MBOAT7: variants seen among roughly 807,000 people sequenced by gnomAD.
The protein encoded by MBOAT7 is membrane-bound acylglycerophosphatidylinositol O-acyltransferase MBOAT7.
A neutral mutation model predicts 47.4 loss-of-function variants in MBOAT7; 40 were observed. The observed-to-expected ratio is 0.84, with a 90% CI of 0.66 to 1.10. The LOEUF is 1.10. MBOAT7 is among the 50% of genes least tolerant of loss of function. The pLI is 0.00. For synonymous variants in MBOAT7, 361 were observed against 292.0 expected (o/e 1.24, Z -2.41); for missense variants, 680 against 655.6 (o/e 1.04, Z -0.41).
At chr19:54,179,277 G>A (rs2076202588) in intron 6 of MBOAT7, 1 of 382,082 alleles carries the variant, frequency 2.6e-6, no homozygotes, top group Non-Finnish European at 4.8e-6. Flanking sequence ...ATTCAGAGAA[G>A]CCGCCAAGGA....
At chr19:54,184,930 C>T (rs1221735479) in intron 4 of MBOAT7, among the ~76,000 whole-genome samples, 1 of 139,134 alleles carries the variant, frequency 7.2e-6, no homozygotes, top group Admixed American at 7.6e-5. Context: ...AAATTTAGGG[C>T]CAGGTGTGAC....
intron 6 of MBOAT7, 26 bp from the exon 7 acceptor site, chr19:54,178,967 G>A: frequency 1.2e-6 from 2 of 1,609,164 alleles, no homozygotes; most frequent in Non-Finnish European, 1.7e-6. Flanking sequence ...TGAGGGTGGG[G>A]GACAGACATG....
chr19:54,182,085 G>A (rs887300451), intron 5 of MBOAT7, among the ~76,000 whole-genome samples: 1 of 151,624 alleles, frequency 6.6e-6, no homozygotes, highest in Non-Finnish European at 1.5e-5. Context: ...AAGGAGGAAG[G>A]AAAGAAACTA....
chr19:54,177,194 C>T (rs1256063283), intron 7 of MBOAT7, among the ~76,000 whole-genome samples: 1 of 87,152 alleles, frequency 1.1e-5, no homozygotes, highest in South Asian at 3.3e-4. Flanking sequence ...TAATAATATC[C>T]TTCTTACTCC....
chr19:54,187,601 G>T (rs146072097), intron 3 of MBOAT7, among the ~76,000 whole-genome samples: 29 of 152,326 alleles, frequency 1.9e-4, no homozygotes, highest in African/African-American at 6.7e-4. Flanking sequence ...GAGAGAGGTG[G>T]ATATGAATGA....
In MBOAT7 at chr19:54,180,814, C is replaced by T; in HGVS notation, c.813G>A (p.Arg271=). The T allele has an allele frequency of 6.4e-7, 1 of 1,564,758 alleles. No homozygotes were observed. Among genetic ancestry groups the T allele is most frequent in the South Asian group, 1.2e-5 (1 of 85,894 alleles). The change falls in exon 6 of 8, where the codon CGG becomes CGA. Residue 271 remains arginine, a synonymous_variant. Coordinates refer to ENST00000245615, the MANE Select transcript of MBOAT7 (RefSeq NM_024298.5). This position sits in a 1 kb window ranked among gnomAD's most constrained non-coding sequence, Gnocchi z 5.2. ...ATTGGAGGGTGGGGCCGCCTCCGGC[C>T]CGGGCTTTGGCGGCCACGGGGTAGG... is the stretch of plus-strand genomic sequence containing the variant. ...FGAYPVAAKA[R]AGGGPTLQCP... is the part of the protein sequence containing the mutation.
intron 7 of MBOAT7, chr19:54,178,558 T>C (rs2076173055): frequency 7.0e-7 from 1 of 1,425,366 alleles, no homozygotes; most frequent in Non-Finnish European, 9.1e-7. Flanking sequence ...TTTACAGAAG[T>C]AGCAACTGAG....
chr19:54,174,390 AG>A lies in MBOAT7; in HGVS notation c.1072del (p.Leu358SerfsTer7). 1 of 1,602,638 alleles carries A rather than the reference AG, an allele frequency of 6.2e-7. No individual in the cohort carries two copies. On this transcript the variant is annotated frameshift_variant, in exon 8 of 8. Coordinates refer to ENST00000245615, the MANE Select transcript of MBOAT7 (RefSeq NM_024298.5). LOFTEE classifies it high-confidence loss of function. ...TMLLSAYWHG[L>X]HPGYYLSFLT... ...GAAGCTCAGGTAGTAGCCCGGGTGG[AG>A]GCCGTGCCAGTAGGCGCTCAGCAGC...
chr19:54,188,102 C>T (rs1362259113), intron 3 of MBOAT7, 115 bp downstream of exon 3: 2 of 948,778 alleles, frequency 2.1e-6, no homozygotes, highest in African/African-American at 1.7e-5. Flanking sequence ...GAGAAATGAG[C>T]TGATCAACAA....
chr19:54,174,803 G>C (rs756537649), intron 7 of MBOAT7, among the ~76,000 whole-genome samples: 17 of 152,090 alleles, frequency 1.1e-4, no homozygotes, highest in Admixed American at 1.3e-4. Flanking sequence ...CCCTAGCTCC[G>C]GAAGGCGGAG....
At chr19:54,185,693 T>C (rs1242130285) in intron 4 of MBOAT7, among the ~76,000 whole-genome samples, 2 of 146,458 alleles carry the variant, frequency 1.4e-5, no homozygotes, top group Admixed American at 6.6e-5. Context: ...TTTTCTTTCT[T>C]TTCTTTTCTT....
intron 5 of MBOAT7, among the ~76,000 whole-genome samples, chr19:54,182,233 G>A (rs1042884022): frequency 6.6e-6 from 1 of 151,446 alleles, no homozygotes; most frequent in Non-Finnish European, 1.5e-5. Context: ...TGTAGCATGG[G>A]AAGATAAAAG....
At chr19:54,186,481 T>C (rs113571156) in intron 4 of MBOAT7, among the ~76,000 whole-genome samples, 1 of 152,278 alleles carries the variant, frequency 6.6e-6, no homozygotes, top group African/African-American at 2.4e-5. Flanking sequence ...CTGTTCCCTT[T>C]TGCTCGTCCC....
rs553375517 is a variant in MBOAT7 at position 54,175,038 on chromosome 19, C to T, written c.1032-607G>A. Among the ~76,000 whole-genome samples, 818 of 148,678 alleles carry T rather than the reference C, an allele frequency of 5.5e-3. 2 individuals carry two copies. The highest frequency in any genetic ancestry group is 7.0e-3 in the Middle Eastern group (2 of 284). On this transcript the variant is annotated intron_variant, in intron 7 of 7. Coordinates refer to ENST00000245615, the MANE Select transcript of MBOAT7 (RefSeq NM_024298.5). ...TCGCCCAGGCTAGAGTGCAGTGGCGCGATCTTGGCTCACTGCAAGCTCCGC... is the reference window on the plus strand; with the variant it reads ...TCGCCCAGGCTAGAGTGCAGTGGCGTGATCTTGGCTCACTGCAAGCTCCGC...
chr19:54,174,391 G>A lies in MBOAT7; in HGVS notation c.1072C>T (p.Leu358Phe), dbSNP rs545983067. The change falls in exon 8 of 8, where the codon CTC becomes TTC. Residue 358 changes from leucine to phenylalanine, a missense_variant. Coordinates refer to ENST00000245615, the MANE Select transcript of MBOAT7 (RefSeq NM_024298.5). ...AAGCTCAGGTAGTAGCCCGGGTGGA[G>A]GCCGTGCCAGTAGGCGCTCAGCAGC... ...TMLLSAYWHG[L>F]HPGYYLSFLT... is the part of the protein sequence containing the mutation. 43 of 1,602,828 alleles carry A rather than the reference G, an allele frequency of 2.7e-5. No individual in the cohort carries two copies. The African/African-American group carries it at 5.1e-4, about 19-fold the overall frequency.
chr19:54,181,538 C>T (rs544313145), intron 5 of MBOAT7, among the ~76,000 whole-genome samples: 1 of 139,516 alleles, frequency 7.2e-6, no homozygotes, highest in Admixed American at 7.2e-5. Context: ...GAATTCCCAG[C>T]TACTGGGGAG....
intron 4 of MBOAT7, among the ~76,000 whole-genome samples, chr19:54,185,398 C>A (rs2076402120): frequency 1.3e-5 from 2 of 152,100 alleles, no homozygotes; most frequent in South Asian, 4.1e-4. Context: ...ACAACCTGAC[C>A]CATTTCCCCT....
intron 7 of MBOAT7, 84 bp from the exon 8 acceptor site, chr19:54,174,515 G>T (rs1185914013): frequency 2.9e-6 from 4 of 1,363,816 alleles, no homozygotes; most frequent in South Asian, 1.5e-5. Flanking sequence ...CAGGACCCCA[G>T]CCCCTCCTCC....
At chr19:54,175,193 T>G (rs1035141958) in intron 7 of MBOAT7, among the ~76,000 whole-genome samples, 4 of 152,132 alleles carry the variant, frequency 2.6e-5, no homozygotes, top group Non-Finnish European at 5.9e-5. Context: ...TTAGCCAGGA[T>G]GGTCTCGATC....
Sources: gnomAD v4.1 joint callset for allele counts (sites outside exome capture counted in the v4.1 genomes callset) on GRCh38, gnomAD v4.1.1 for gene constraint, Gnocchi (gnomAD v3.1) non-coding constraint, MANE v1.5 for transcripts, NCBI Gene and HGNC (gene_info 2026-07-23, HGNC 2026-07-21) for gene names.